The following GALP variants were observed in gnomAD, a reference collection of about 807,000 sequenced individuals.
GALP encodes galanin-like peptide.
In GALP, 12 loss-of-function variants were observed where a neutral mutation model predicts 15.2. The ratio of observed to expected loss-of-function variants is 0.79; its 90% CI spans 0.51 to 1.28. The LOEUF is 1.28. Ranked by LOEUF, GALP falls within the 50% of genes most tolerant of loss-of-function variation. The pLI is 0.00. For synonymous variants in GALP, 58 were observed against 55.1 expected (o/e 1.05, Z -0.23); for missense variants, 161 against 145.6 (o/e 1.11, Z -0.55).
At chr19:56,177,881 T>A (rs942575081) in intron 2 of GALP, among the ~76,000 whole-genome samples, 2 of 152,120 alleles carry the variant, frequency 1.3e-5, no homozygotes, top group East Asian at 1.9e-4. Flanking sequence ...GCCAAGAGGA[T>A]TAAATAATTA....
chr19:56,178,450 A>C (rs1373202195), intron 2 of GALP, among the ~76,000 whole-genome samples: 2 of 151,004 alleles, frequency 1.3e-5, no homozygotes, highest in Non-Finnish European at 2.9e-5. Flanking sequence ...GCGAAAGAGC[A>C]ATAACCCATC....
At chr19:56,180,165 G>A (rs931914308) in intron 2 of GALP, among the ~76,000 whole-genome samples, 49 of 152,094 alleles carry the variant, frequency 3.2e-4, no homozygotes, top group East Asian at 1.9e-4. Context: ...CTTCTGCTTC[G>A]GCCTCCCCAA....
At chr19:56,182,076 G>A (rs1259818943) in intron 3 of GALP, 96 bp from the exon 4 acceptor site, 9 of 864,022 alleles carry the variant, frequency 1.0e-5, no homozygotes, top group Admixed American at 1.8e-5. Flanking sequence ...TGGAGGCGCT[G>A]CGTCCGGTGA....
In GALP at chr19:56,182,168, C is replaced by G; in HGVS notation, c.137-4C>G. 1 of 1,611,320 alleles carries G rather than the reference C, an allele frequency of 6.2e-7. No homozygotes were observed. The highest frequency in any genetic ancestry group is 8.5e-7 in the Non-Finnish European group (1 of 1,177,382). On this transcript the variant is annotated splice_region_variant and splice_polypyrimidine_tract_variant and intron_variant, in intron 3 of 5. Coordinates refer to ENST00000357330, the MANE Select transcript of GALP (RefSeq NM_033106.4). ...CTGCTCTTGCTCTCTCCCTCCCTACCCAGTCCTCCACCTTCCCCAAATGGG... is the reference window on the plus strand; with the variant it reads ...CTGCTCTTGCTCTCTCCCTCCCTACGCAGTCCTCCACCTTCCCCAAATGGG...
rs1485440405 is a variant in GALP, at chr19:56,180,605, T to G, written c.107T>G (p.Leu36Arg). 6.2e-7 allele frequency: 1 copy of G among 1,613,932 alleles called. No homozygotes were observed. Among genetic ancestry groups the G allele is most frequent in the Admixed American group, 1.7e-5 (1 of 60,008 alleles). ...PAHRGRGGWT[L>R]NSAGYLLGPV... is the part of the protein sequence containing the mutation. ...ATCCAGGGACGAGGAGGCTGGACCC[T>G]CAATAGTGCTGGCTACCTTCTGGGT... Residue 36 changes from leucine to arginine, a missense_variant, in exon 3 of 6, where the codon CTC (leucine) becomes CGC (arginine). Transcript: ENST00000357330.
At chr19:56,179,646 T>G (rs1229732451) in intron 2 of GALP, among the ~76,000 whole-genome samples, 1 of 150,910 alleles carries the variant, frequency 6.6e-6, no homozygotes. Flanking sequence ...CTCTCTTTTT[T>G]TTTTTTTTTT....
chr19:56,178,371 G>A lies in GALP; in HGVS notation c.87+1176G>A, dbSNP rs898694649. ...CGAGCTACTTGGGAGGCTGAGGCAT[G>A]AGAATTGCTTGAACCCAGGAGGCTG... On this transcript the variant is annotated intron_variant, in intron 2 of 5. Coordinates refer to ENST00000357330, the MANE Select transcript of GALP (RefSeq NM_033106.4). Among the ~76,000 whole-genome samples, 10 of 151,952 alleles carry A rather than the reference G, an allele frequency of 6.6e-5. 1 individual carries two copies. The highest frequency in any genetic ancestry group is 1.3e-4 in the Non-Finnish European group (9 of 68,002).
intron 3 of GALP, among the ~76,000 whole-genome samples, chr19:56,180,908 TTTCTTTC>T (rs2032554591): frequency 4.5e-5 from 4 of 89,106 alleles, no homozygotes; most frequent in East Asian, 4.0e-4. Flanking sequence ...TCTTTCTTTC[TTTCTTTC>T]TTTTTTTTTT....
At chr19:56,180,275 G>A (rs1321489071) in intron 2 of GALP, among the ~76,000 whole-genome samples, 1 of 152,184 alleles carries the variant, frequency 6.6e-6, no homozygotes, top group Non-Finnish European at 1.5e-5. Flanking sequence ...GTGCCATAGA[G>A]CTCTAGGACT....
chr19:56,183,655 T>C (rs2032604306), intron 5 of GALP, among the ~76,000 whole-genome samples: 1 of 152,192 alleles, frequency 6.6e-6, no homozygotes, highest in African/African-American at 2.4e-5. Flanking sequence ...TGGAGTGCAA[T>C]GGTGCGATCT....
At chr19:56,177,014 T>C (rs1217775164) in intron 1 of GALP, 56 bp from the exon 2 acceptor site, 7 of 830,090 alleles carry the variant, frequency 8.4e-6, no homozygotes, top group African/African-American at 5.1e-5. Flanking sequence ...TCTGTCCTTA[T>C]CGGAAATGCA....
chr19:56,183,209 G>C lies in GALP; in HGVS notation c.292G>C (p.Gly98Arg). The C allele has an allele frequency of 1.2e-6, 2 of 1,612,564 alleles. No homozygotes were observed. The highest frequency in any genetic ancestry group is 1.7e-6 in the Non-Finnish European group (2 of 1,178,644). Residue 98 changes from glycine to arginine, a missense_variant, in exon 5 of 6, where the codon GGA becomes CGA. Transcript: ENST00000357330. ...VMETFAKPEI[G>R]DLGMLSMKIP... Reference sequence around the variant, plus strand: ...GGAGACGTTTGCCAAACCAGAGATTGGAGGTAAAGCCAGGAAACACAGAAG... The same window carrying C: ...GGAGACGTTTGCCAAACCAGAGATTCGAGGTAAAGCCAGGAAACACAGAAG...
At chr19:56,182,142 C>T (rs758645278) in intron 3 of GALP, 30 bp from the exon 4 acceptor site, 13 of 1,534,658 alleles carry the variant, frequency 8.5e-6, no homozygotes, top group Admixed American at 5.0e-5. Context: ...TAACCGACCA[C>T]CTGCTCTTGC....
intron 3 of GALP, among the ~76,000 whole-genome samples, chr19:56,180,911 CTTTCTTTTTTTTTT>C (rs1450311439): frequency 0.027 from 2,425 of 90,692 alleles, 40 homozygotes; most frequent in Middle Eastern, 0.053. Flanking sequence ...TTCTTTCTTT[CTTTCTTTTTTTTTT>C]TTTTTTTTTT....
rs1008903597 is a variant in GALP, at chr19:56,178,525, A to C, written c.87+1330A>C. ...AAGAAATGCTAACAACAACAACAAAAAAAAAAAAAAAAAAAAAGAGACGCC... is the reference window on the plus strand; with the variant it reads ...AAGAAATGCTAACAACAACAACAAACAAAAAAAAAAAAAAAAAGAGACGCC... On this transcript the variant is annotated intron_variant, in intron 2 of 5. Coordinates refer to ENST00000357330, the MANE Select transcript of GALP (RefSeq NM_033106.4). 1.8e-4 allele frequency among the ~76,000 whole-genome samples: 26 copies of C among 142,832 alleles called. No homozygotes were observed. The East Asian group carries it at 2.2e-3, about 12-fold the overall frequency. 93.7% of individuals were successfully genotyped at this position (142,832 alleles called of 152,430 possible).
At chr19:56,181,139 T>G (rs2032560676) in intron 3 of GALP, among the ~76,000 whole-genome samples, 1 of 151,380 alleles carries the variant, frequency 6.6e-6, no homozygotes, top group African/African-American at 2.4e-5. Context: ...TGTTGGCCAG[T>G]CTGGTCTCGA....
intron 2 of GALP, among the ~76,000 whole-genome samples, 153 bp downstream of exon 2, chr19:56,177,348 TA>T (rs2122155050): frequency 6.6e-6 from 1 of 151,982 alleles, no homozygotes; most frequent in South Asian, 2.1e-4. Context: ...GTGTCTCTAC[TA>T]AAAACACAAA....
At chr19:56,180,660 C>T (rs552895268) in intron 3 of GALP, 26 bp downstream of exon 3, 1 of 1,606,124 alleles carries the variant, frequency 6.2e-7, no homozygotes, top group Non-Finnish European at 8.5e-7. Context: ...CTCAGCTCTC[C>T]ATCCCTGGCC....
chr19:56,179,370 C>A (rs1262274676), intron 2 of GALP, among the ~76,000 whole-genome samples: 1 of 149,130 alleles, frequency 6.7e-6, no homozygotes, highest in Non-Finnish European at 1.5e-5. Context: ...TGCAGTGGCG[C>A]AATGTCAGCT....
Sources: gnomAD v4.1 joint callset for allele counts (sites outside exome capture counted in the v4.1 genomes callset) on GRCh38, gnomAD v4.1.1 for gene constraint, MANE v1.5 for transcripts, NCBI Gene and HGNC (gene_info 2026-07-23, HGNC 2026-07-21) for gene names.